The following AKR1C8 variants were observed in gnomAD, a reference collection of about 807,000 sequenced individuals.
AKR1C8 encodes the protein aldo-keto reductase family 1 member C8, also known as aldo-keto reductase family 1 member C-like protein 1.
the AKR1C8 span, among the ~76,000 whole-genome samples, chr10:5,140,404 C>G: frequency 6.7e-6 from 1 of 149,550 alleles, no homozygotes; most frequent in African/African-American, 2.5e-5. Flanking sequence ...ACCCAAATGT[C>G]CATCAATGAT....
the AKR1C8 span, among the ~76,000 whole-genome samples, chr10:5,159,628 C>A: frequency 2.0e-5 from 3 of 152,130 alleles, no homozygotes; most frequent in Non-Finnish European, 2.9e-5. Context: ...TGGACCATCC[C>A]GAGCTCCAGA....
chr10:5,116,208 C>T, the AKR1C8 span, among the ~76,000 whole-genome samples: 4 of 152,152 alleles, frequency 2.6e-5, no homozygotes, highest in Admixed American at 2.6e-4. Flanking sequence ...GGGTCAATCA[C>T]CCCAGCCAAC....
the AKR1C8 span, among the ~76,000 whole-genome samples, chr10:5,153,982 C>T: frequency 2.6e-5 from 4 of 152,070 alleles, no homozygotes; most frequent in East Asian, 1.9e-4. Context: ...TCAGGAAAAA[C>T]AAACATCTTC....
chr10:5,156,883 A>T, the AKR1C8 span, among the ~76,000 whole-genome samples: 2 of 152,240 alleles, frequency 1.3e-5, no homozygotes, highest in South Asian at 4.1e-4. Context: ...CTGTCATTTT[A>T]AAATGAGAAA....
the AKR1C8 span, among the ~76,000 whole-genome samples, chr10:5,157,108 G>T: frequency 5.9e-5 from 9 of 152,136 alleles, no homozygotes; most frequent in Non-Finnish European, 1.3e-4. Flanking sequence ...AATCCAGAAG[G>T]AGCCATTGTA....
At chr10:5,125,524 T>G in the AKR1C8 span, among the ~76,000 whole-genome samples, 7 of 152,158 alleles carry the variant, frequency 4.6e-5, no homozygotes, top group Non-Finnish European at 8.8e-5. Context: ...TTGCAAGAGC[T>G]GGAAACCAAC....
the AKR1C8 span, among the ~76,000 whole-genome samples, chr10:5,127,574 C>T: frequency 0.015 from 2,184 of 149,840 alleles, 48 homozygotes; most frequent in African/African-American, 0.051. Context: ...TAAAAATTAG[C>T]CTGGCATGCT....
chr10:5,166,837 C>T, the AKR1C8 span, among the ~76,000 whole-genome samples: 2 of 152,026 alleles, frequency 1.3e-5, no homozygotes, highest in South Asian at 2.1e-4. Context: ...AAACTACCCT[C>T]AGAGTGAACA....
At chr10:5,123,570 A>G in the AKR1C8 span, 1 of 740,650 alleles carries the variant, frequency 1.4e-6, no homozygotes, top group Non-Finnish European at 2.2e-6. Context: ...CAGCAGCAGC[A>G]TCACCTGGGA....
chr10:5,137,911 T>C, the AKR1C8 span, among the ~76,000 whole-genome samples: 1 of 152,012 alleles, frequency 6.6e-6, no homozygotes, highest in Non-Finnish European at 1.5e-5. Context: ...AAAGATCACA[T>C]GCTTCAAAGG....
the AKR1C8 span, among the ~76,000 whole-genome samples, chr10:5,151,383 T>C: frequency 6.6e-6 from 1 of 152,136 alleles, no homozygotes; most frequent in Non-Finnish European, 1.5e-5. Flanking sequence ...GTTATCATCT[T>C]TGTTTCAAAC....
the AKR1C8 span, chr10:5,155,058 T>C: frequency 2.0e-5 from 3 of 152,232 alleles, no homozygotes; most frequent in Admixed American, 6.5e-5. Flanking sequence ...GGTGAGATTA[T>C]ATAGCTGAGG....
chr10:5,128,524 T>G, the AKR1C8 span, among the ~76,000 whole-genome samples: 1 of 152,172 alleles, frequency 6.6e-6, no homozygotes, highest in Non-Finnish European at 1.5e-5. Flanking sequence ...ACCAAATACC[T>G]GCTATCTTCA....
At chr10:5,146,205 G>C in the AKR1C8 span, among the ~76,000 whole-genome samples, 450 of 124,630 alleles carry the variant, frequency 3.6e-3, 10 homozygotes, top group Admixed American at 0.033. Flanking sequence ...GTTGTGGGGT[G>C]GGGGGAGGGG....
At chr10:5,133,739 G>C in the AKR1C8 span, among the ~76,000 whole-genome samples, 1 of 152,122 alleles carries the variant, frequency 6.6e-6, no homozygotes, top group East Asian at 1.9e-4. Flanking sequence ...TTAGGAAATG[G>C]TGAGAAATTC....
At chr10:5,180,975 C>A in the AKR1C8 span, among the ~76,000 whole-genome samples, 4 of 152,222 alleles carry the variant, frequency 2.6e-5, no homozygotes, top group Non-Finnish European at 4.4e-5. Context: ...TTGGCTCATG[C>A]ACAGTGCACT....
the AKR1C8 span, among the ~76,000 whole-genome samples, chr10:5,138,603 A>C: frequency 1.5e-4 from 23 of 152,324 alleles, no homozygotes; most frequent in African/African-American, 5.3e-4. Flanking sequence ...TTATGAAGAT[A>C]ACAGGATTAA....
At chr10:5,147,088 T>C in the AKR1C8 span, among the ~76,000 whole-genome samples, 24 of 152,184 alleles carry the variant, frequency 1.6e-4, no homozygotes, top group Non-Finnish European at 2.6e-4. Flanking sequence ...GCTGCTTCCA[T>C]TCATGGCAAA....
the AKR1C8 span, among the ~76,000 whole-genome samples, chr10:5,123,066 C>A: frequency 6.6e-6 from 1 of 152,200 alleles, no homozygotes; most frequent in Admixed American, 6.5e-5. Flanking sequence ...AAACCCAAAT[C>A]TCTGGTTTTG....
Sources: gnomAD v4.1 joint callset for allele counts (sites outside exome capture counted in the v4.1 genomes callset) on GRCh38, gnomAD v4.1.1 for gene constraint, MANE v1.5 for transcripts, NCBI Gene and HGNC (gene_info 2026-07-23, HGNC 2026-07-21) for gene names.